The following NEK1 variants were observed in gnomAD, a reference collection of about 807,000 sequenced individuals.
NEK1 encodes serine/threonine-protein kinase Nek1.
In NEK1, 137 loss-of-function variants were observed where a neutral mutation model predicts 182.1. The observed-to-expected ratio is 0.75, with a 90% confidence interval of 0.65 to 0.87. The LOEUF (loss-of-function observed/expected upper bound fraction) is 0.87. NEK1 is among the 40% of genes least tolerant of loss of function. The pLI, the probability that NEK1 is intolerant of heterozygous loss-of-function variation, is 0.00. For synonymous variants in NEK1, 513 were observed against 492.2 expected (o/e 1.04, Z -0.56); for missense variants, 1,391 against 1,494.4 (o/e 0.93, Z 1.14).
rs557116630 is a variant in NEK1, at chr4:169,494,809, A to G, written c.2007+12228T>C. 7.2e-4 allele frequency among the ~76,000 whole-genome samples: 109 copies of G among 152,282 alleles called. 1 individual carries two copies. The highest frequency in any genetic ancestry group is 2.6e-3 in the African/African-American group (107 of 41,554). On this transcript the variant is annotated intron_variant, in intron 23 of 35. Coordinates refer to ENST00000507142, the MANE Select transcript of NEK1 (RefSeq NM_001199397.3). ...GCCATTCTAACTGGTGTGAGATGGT[A>G]TCTCATTGTGGTTTTGATTTGCATT...
At position 169,576,976 on chromosome 4, in the gene NEK1, A is replaced by G. The variant is rs1765784515; in HGVS notation, c.972T>C (p.Tyr324=). ...KYGIPLAYKK[Y]GDKKLHEKKP... ...TCTTTTCGTGTAATTTTTTATCTCC[A>G]TATTTCTTATATGCTAAAGGTATTC... Residue 324 remains tyrosine (Y), a synonymous_variant, in exon 12 of 36, where the codon TAT becomes TAC. Coordinates refer to ENST00000507142, the MANE Select transcript of NEK1 (RefSeq NM_001199397.3). 1.2e-6 allele frequency: 2 copies of G among 1,612,674 alleles called. No individual in the cohort carries two copies. The highest frequency in any genetic ancestry group is 1.1e-5 in the South Asian group (1 of 91,006).
intron 18 of NEK1, among the ~76,000 whole-genome samples, chr4:169,541,269 A>T (rs369507739): frequency 1.5e-4 from 23 of 152,274 alleles, no homozygotes; most frequent in African/African-American, 4.6e-4. Context: ...ATGAAGCAAT[A>T]CAGACAGAAG....
At chr4:169,601,874 T>C (rs77826410) in intron 4 of NEK1, 134 bp downstream of exon 4, 3 of 654,048 alleles carry the variant, frequency 4.6e-6, no homozygotes, top group African/African-American at 3.6e-5. Context: ...ATATCAGTAT[T>C]GTCCTTGAAT....
At chr4:169,407,289 A>C (rs578090109) in intron 31 of NEK1, among the ~76,000 whole-genome samples, 8 of 152,312 alleles carry the variant, frequency 5.3e-5, no homozygotes, top group African/African-American at 1.9e-4. Flanking sequence ...AGTTTGGCTA[A>C]GCACCACCAC....
chr4:169,599,984 C>T (rs1284306567), intron 4 of NEK1, among the ~76,000 whole-genome samples: 1 of 152,032 alleles, frequency 6.6e-6, no homozygotes, highest in Non-Finnish European at 1.5e-5. Flanking sequence ...CCTCAGCCTC[C>T]CCAATAGCTA....
intron 18 of NEK1, among the ~76,000 whole-genome samples, chr4:169,541,695 A>C (rs1314891128): frequency 3.9e-5 from 6 of 152,182 alleles, no homozygotes; most frequent in Non-Finnish European, 1.5e-5. Context: ...GCCAGTGACC[A>C]CTAAACAGTA....
chr4:169,455,124 C>A (rs983089534), intron 27 of NEK1, among the ~76,000 whole-genome samples: 1 of 152,130 alleles, frequency 6.6e-6, no homozygotes, highest in African/African-American at 2.4e-5. Context: ...GGGAACTGAA[C>A]AATGAGATTA....
In NEK1 at chr4:169,577,059, G is replaced by A; in HGVS notation, c.889C>T (p.Gln297Ter). 1 of 1,613,256 alleles carries A rather than the reference G, an allele frequency of 6.2e-7. No individual in the cohort carries two copies. Among genetic ancestry groups the A allele is most frequent in the Non-Finnish European group, 8.5e-7 (1 of 1,179,542 alleles). Reference protein sequence around the residue: ...PIPAKRPASGQNSISVMPAQK... With the variant: ...PIPAKRPASG ...GCAGGCATAACAGAAATCGAGTTTT[G>A]TCCTGAAGCTGGTCTTTTAGCTAGA... Residue 297 changes from glutamine (Q) to a stop codon, truncating the protein, a stop_gained, in exon 12 of 36, where the codon CAA becomes TAA. Transcript: ENST00000507142. LOFTEE classifies it high-confidence loss of function.
chr4:169,604,773 ACT>A (rs1173193974), intron 2 of NEK1, among the ~76,000 whole-genome samples: 1 of 152,222 alleles, frequency 6.6e-6, no homozygotes, highest in East Asian at 1.9e-4. Flanking sequence ...GATAAGTATG[ACT>A]CATGAAATTT....
chr4:169,400,443 G>T, intron 34 of NEK1, 78 bp downstream of exon 34: 1 of 1,467,436 alleles, frequency 6.8e-7, no homozygotes, highest in South Asian at 1.4e-5. Context: ...TAAATCTAAT[G>T]ACCAATACAG....
At chr4:169,502,995 T>A (rs1400354557) in intron 23 of NEK1, among the ~76,000 whole-genome samples, 1 of 151,460 alleles carries the variant, frequency 6.6e-6, no homozygotes, top group African/African-American at 2.4e-5. Context: ...AATTCCACCA[T>A]GACTCCTAGA....
intron 2 of NEK1, among the ~76,000 whole-genome samples, chr4:169,603,186 T>C (rs777282932): frequency 2.0e-5 from 3 of 152,190 alleles, no homozygotes; most frequent in Non-Finnish European, 4.4e-5. Flanking sequence ...TGTTACAGTA[T>C]GGCTTTCAAA....
intron 18 of NEK1, among the ~76,000 whole-genome samples, chr4:169,551,216 G>A (rs1043858902): frequency 1.3e-5 from 2 of 152,132 alleles, no homozygotes; most frequent in Non-Finnish European, 1.5e-5. Flanking sequence ...CTCCTAAGAA[G>A]TTATTAATAC....
At chr4:169,445,806 C>T (rs867945085) in intron 27 of NEK1, among the ~76,000 whole-genome samples, 1 of 150,538 alleles carries the variant, frequency 6.6e-6, no homozygotes, top group East Asian at 1.9e-4. Flanking sequence ...ATGTAACAAA[C>T]ATGCACATGC....
At chr4:169,423,510 A>G (rs1735835992) in intron 31 of NEK1, among the ~76,000 whole-genome samples, 1 of 152,232 alleles carries the variant, frequency 6.6e-6, no homozygotes, top group Non-Finnish European at 1.5e-5. Context: ...AAACACAGAA[A>G]CATAAATGTA....
chr4:169,459,809 A>C (rs1269960441), intron 27 of NEK1, among the ~76,000 whole-genome samples: 28 of 152,232 alleles, frequency 1.8e-4, no homozygotes, highest in Admixed American at 1.8e-3. Flanking sequence ...GAGTCCAATT[A>C]CATGACATTC....
chr4:169,395,225 G>A (rs1405050358), intron 35 of NEK1, among the ~76,000 whole-genome samples: 1 of 152,060 alleles, frequency 6.6e-6, no homozygotes, highest in Admixed American at 6.6e-5. Context: ...AAATCCAAGG[G>A]TCATGTCAAA....
chr4:169,547,385 T>A (rs1760678226), intron 18 of NEK1, among the ~76,000 whole-genome samples: 1 of 152,172 alleles, frequency 6.6e-6, no homozygotes, highest in Admixed American at 6.5e-5. Flanking sequence ...ACCTGACCTT[T>A]CTCTCTGGTG....
chr4:169,473,673 C>A (rs1359989872), intron 26 of NEK1, among the ~76,000 whole-genome samples: 2 of 151,916 alleles, frequency 1.3e-5, no homozygotes, highest in African/African-American at 4.8e-5. Flanking sequence ...TCACTTGAGG[C>A]CAGGAGTTTG....
Sources: allele counts gnomAD v4.1 joint callset (sites outside exome capture counted in the v4.1 genomes callset), GRCh38; gene constraint gnomAD v4.1.1; transcripts MANE v1.5; gene names NCBI Gene and HGNC (gene_info 2026-07-23, HGNC 2026-07-21).